SLAIN1: variants seen among roughly 807,000 people sequenced by gnomAD.
SLAIN1 encodes SLAIN motif-containing protein 1.
In SLAIN1, 17 loss-of-function variants were observed where a neutral mutation model predicts 55.4. That is an observed-to-expected ratio of 0.31 (90% CI 0.21 to 0.46). The LOEUF (loss-of-function observed/expected upper bound fraction) is 0.46, where lower values mean the gene tolerates loss of function less well. SLAIN1 is among the 20% of genes least tolerant of loss of function. The pLI is 1.00. For missense variants in SLAIN1, 682 were observed against 785.1 expected, an observed-to-expected ratio of 0.87 and a Z score of 1.57; for synonymous variants, 348 against 337.4, an observed-to-expected ratio of 1.03 and a Z score of -0.35.
chr13:77,736,235 C>T (rs984468451), intron 2 of SLAIN1, among the ~76,000 whole-genome samples: 1 of 152,034 alleles, frequency 6.6e-6, no homozygotes, highest in Non-Finnish European at 1.5e-5. Context: ...TAAATATTCT[C>T]AGCATATTTA....
chr13:77,761,997 A>G (rs551895872), intron 6 of SLAIN1, among the ~76,000 whole-genome samples: 28 of 152,350 alleles, frequency 1.8e-4, no homozygotes, highest in African/African-American at 6.3e-4. Context: ...TTCTGTCTTT[A>G]TGCATTTATG....
intron 1 of SLAIN1, among the ~76,000 whole-genome samples, chr13:77,710,042 G>A (rs1326680316): frequency 6.6e-6 from 1 of 152,022 alleles, no homozygotes; most frequent in East Asian, 1.9e-4. Context: ...AAAGTGCTGG[G>A]ATTACAGGTG....
At chr13:77,707,490 T>G (rs59932672) in intron 1 of SLAIN1, among the ~76,000 whole-genome samples, 7,935 of 152,194 alleles carry the variant, frequency 0.052, 679 homozygotes, top group African/African-American at 0.18. Context: ...AGTCTCAGTG[T>G]TTCATGTAAA....
intron 2 of SLAIN1, among the ~76,000 whole-genome samples, chr13:77,736,424 C>CT (rs1396930769): frequency 6.6e-6 from 1 of 151,970 alleles, no homozygotes; most frequent in East Asian, 1.9e-4. Flanking sequence ...CCATGCTTTT[C>CT]TTTTTCCTTA....
intron 3 of SLAIN1, among the ~76,000 whole-genome samples, chr13:77,744,992 T>C (rs1173208517): frequency 1.3e-5 from 2 of 152,010 alleles, no homozygotes; most frequent in South Asian, 4.1e-4. Context: ...AGAGAGTGCA[T>C]ACTGTATAAT....
At chr13:77,754,432 A>G (rs1039816103) in intron 5 of SLAIN1, among the ~76,000 whole-genome samples, 1 of 152,190 alleles carries the variant, frequency 6.6e-6, no homozygotes, top group African/African-American at 2.4e-5. Context: ...GGAAGAGGCA[A>G]CAGTTCTGAT....
At chr13:77,747,420 G>A (rs952973816) in intron 4 of SLAIN1, among the ~76,000 whole-genome samples, 6 of 152,286 alleles carry the variant, frequency 3.9e-5, no homozygotes, top group African/African-American at 1.4e-4. Flanking sequence ...CTCGGAATGA[G>A]TTATAAATGT....
intron 4 of SLAIN1, among the ~76,000 whole-genome samples, chr13:77,749,267 G>C (rs1295404876): frequency 6.6e-6 from 1 of 152,122 alleles, no homozygotes; most frequent in Non-Finnish European, 1.5e-5. Context: ...TAAAGAGATG[G>C]TTCATAAAAC....
Position 77,698,749 on chromosome 13 carries a change from T to C in SLAIN1, c.626+210T>C. 8.9e-7 allele frequency: 1 copy of C among 1,120,728 alleles called. No homozygotes were observed. 69.4% of individuals were successfully genotyped at this position (1,120,728 alleles called of 1,614,324 possible). ...ATGAAGGCAGAAACCTGTTTTCTAA[T>C]CGCTCCGACTGCGGATGAACCGGCC... is the stretch of plus-strand genomic sequence containing the variant. On this transcript the variant is annotated intron_variant, in intron 1 of 6. Transcript: ENST00000418532. This position sits in a 1 kb window ranked among gnomAD's most constrained non-coding sequence, Gnocchi z 4.1.
chr13:77,698,424 ACGCCGCCAGGGGCAGCTGCAG>A lies in SLAIN1; in HGVS notation c.519_539del (p.Gly174_Pro180del). ...CGGGCCGGAGCCGGGGGGCGCGGGG[ACGCCGCCAGGGGCAGCTGCAG>A]CGCCGCCCTCGCCGCCCCCCACGCT... is the stretch of plus-strand genomic sequence containing the variant. On this transcript the variant is annotated inframe_deletion, in exon 1 of 7. Coordinates refer to ENST00000418532, the MANE Select transcript of SLAIN1 (RefSeq NM_001242868.2). This position sits in a 1 kb window ranked among gnomAD's most constrained non-coding sequence, Gnocchi z 4.1. The A allele has an allele frequency of 7.2e-7, 1 of 1,393,662 alleles. No individual in the cohort carries two copies. The allele number at this position is 1,393,662 out of a possible 1,614,324, so 86.3% of individuals were successfully genotyped here. A position where few individuals can be genotyped will look rare whatever the true frequency, so the allele number is the denominator to read the frequency against.
chr13:77,754,974 T>A (rs1874493605), intron 5 of SLAIN1, among the ~76,000 whole-genome samples: 1 of 152,210 alleles, frequency 6.6e-6, no homozygotes, highest in Non-Finnish European at 1.5e-5. Context: ...ATAAACAACC[T>A]ATGAAATTTG....
At chr13:77,704,199 A>AATATATGTACATATGTTTTATATGT (rs1195136658) in intron 1 of SLAIN1, among the ~76,000 whole-genome samples, 13 of 137,318 alleles carry the variant, frequency 9.5e-5, no homozygotes, top group Non-Finnish European at 1.4e-4. Flanking sequence ...ATACATAGAA[A>AATATATGTACATATGTTTTATATGT]ATATATATAC....
chr13:77,742,940 C>A, intron 2 of SLAIN1: 45 of 668,450 alleles, frequency 6.7e-5, no homozygotes, highest in Non-Finnish European at 7.9e-5. Flanking sequence ...TTTTTATTCT[C>A]TTCCCTTTCT....
At chr13:77,743,969 G>T (rs1244224663) in intron 2 of SLAIN1, among the ~76,000 whole-genome samples, 2 of 151,890 alleles carry the variant, frequency 1.3e-5, no homozygotes. Context: ...ATAGGATGTA[G>T]ATTTTAGCAG....
intron 1 of SLAIN1, among the ~76,000 whole-genome samples, chr13:77,701,923 C>G (rs2091035083): frequency 8.0e-6 from 1 of 125,500 alleles, no homozygotes; most frequent in Admixed American, 8.8e-5. Context: ...CCCCCTCCCC[C>G]CACCCCACTA....
At chr13:77,758,663 C>T (rs1874781526) in intron 5 of SLAIN1, among the ~76,000 whole-genome samples, 1 of 152,110 alleles carries the variant, frequency 6.6e-6, no homozygotes, top group Non-Finnish European at 1.5e-5. Context: ...GTTTTCCCAG[C>T]ACCATTTACT....
At chr13:77,736,447 G>T (rs1415893177) in intron 2 of SLAIN1, among the ~76,000 whole-genome samples, 2 of 151,714 alleles carry the variant, frequency 1.3e-5, no homozygotes, top group Non-Finnish European at 2.9e-5. Context: ...CTCTTCTCTT[G>T]TCTGTTATTT....
Position 77,727,849 on chromosome 13 carries a change from G to A in SLAIN1, c.766+8178G>A, listed in dbSNP as rs1452341437. Among the ~76,000 whole-genome samples, 3 of 152,330 alleles carry A rather than the reference G, an allele frequency of 2.0e-5. No homozygotes were observed. In the South Asian group the frequency reaches 6.2e-4, roughly 32 times the overall value. ...TTGGATGTGAAATTACTTCAGAAAT[G>A]TGGAGTACTACATATACAGAAACAT... On this transcript the variant is annotated intron_variant, in intron 2 of 6. Coordinates refer to ENST00000418532, the MANE Select transcript of SLAIN1 (RefSeq NM_001242868.2).
Position 77,698,784 on chromosome 13 carries a change from C to G in SLAIN1, c.626+245C>G. The G allele has an allele frequency of 1.6e-6, 2 of 1,250,434 alleles. No homozygotes were observed. Among genetic ancestry groups the G allele is most frequent in the Non-Finnish European group, 2.1e-6 (2 of 937,490 alleles). 77.5% of individuals were successfully genotyped at this position (1,250,434 alleles called of 1,614,324 possible). ...TGCGGATGAACCGGCCCCCCCTTCC[C>G]CCCATCTGCCATGGGTTCTGCTATT... On this transcript the variant is annotated intron_variant, in intron 1 of 6. Transcript: ENST00000418532. The surrounding 1 kb of genome is among the most constrained non-coding windows in gnomAD (Gnocchi z 4.1).
Sources: gnomAD v4.1 joint callset for allele counts (sites outside exome capture counted in the v4.1 genomes callset) on GRCh38, gnomAD v4.1.1 for gene constraint, Gnocchi (gnomAD v3.1) non-coding constraint, MANE v1.5 for transcripts, NCBI Gene and HGNC (gene_info 2026-07-23, HGNC 2026-07-21) for gene names.